FRYL: variants seen among roughly 807,000 people sequenced by gnomAD.
FRYL encodes protein furry homolog-like.
Under a neutral mutation model 351.2 loss-of-function variants are expected in FRYL, and 150 were observed. The observed-to-expected ratio is 0.43, with a 90% CI of 0.37 to 0.49. The LOEUF is 0.49. Among genes scored for constraint, FRYL ranks in the 20% least tolerant of loss-of-function variants. The pLI, the probability that FRYL is intolerant of heterozygous loss-of-function variation, is 0.00. For missense variants in FRYL, 3,036 were observed against 3,619.3 expected (o/e 0.84, Z 4.13); for synonymous variants, 1,153 against 1,257.1 (o/e 0.92, Z 1.75).
intron 60 of FRYL, 57 bp downstream of exon 60, chr4:48,505,490 C>G: frequency 1.1e-6 from 1 of 904,890 alleles, no homozygotes; most frequent in Non-Finnish European, 1.8e-6. Flanking sequence ...TGAACACATG[C>G]ATTGTTTTAC....
intron 1 of FRYL, among the ~76,000 whole-genome samples, chr4:48,760,250 C>T (rs1236897597): frequency 1.3e-5 from 2 of 152,030 alleles, no homozygotes; most frequent in Non-Finnish European, 2.9e-5. Flanking sequence ...CAACCCTCTG[C>T]CTCCTGGGTT....
At chr4:48,769,222 A>G (rs1775276882) in intron 1 of FRYL, among the ~76,000 whole-genome samples, 1 of 152,238 alleles carries the variant, frequency 6.6e-6, no homozygotes, top group African/African-American at 2.4e-5. Context: ...GACAAGCTTC[A>G]GATGCAGAGA....
At position 48,602,029 on chromosome 4, in the gene FRYL, T is replaced by C; in HGVS notation, c.1026A>G (p.Ser342=). ...NWHIFLQNCL[S]HLKNKDPKMS... Reference sequence around the variant, plus strand: ...TGTGATTACATCTTACCTTTAAATGTGACAAACAGTTCTGTAGGAAAATAT... The same window carrying C: ...TGTGATTACATCTTACCTTTAAATGCGACAAACAGTTCTGTAGGAAAATAT... The change falls in exon 13 of 64, where the codon TCA becomes TCG. Residue 342 remains serine, a synonymous_variant. Transcript: ENST00000358350. 1 of 1,555,120 alleles carries C rather than the reference T, an allele frequency of 6.4e-7. No homozygotes were observed. The highest frequency in any genetic ancestry group is 8.9e-7 in the Non-Finnish European group (1 of 1,127,768).
intron 7 of FRYL, among the ~76,000 whole-genome samples, chr4:48,611,093 T>A (rs1170563096): frequency 1.3e-5 from 2 of 151,938 alleles, no homozygotes; most frequent in South Asian, 4.1e-4. Context: ...TCAGTATATA[T>A]GGTGCATTGG....
At chr4:48,566,965 C>T (rs966220868) in intron 28 of FRYL, among the ~76,000 whole-genome samples, 2 of 152,136 alleles carry the variant, frequency 1.3e-5, no homozygotes, top group African/African-American at 2.4e-5. Flanking sequence ...CTTATTGCAT[C>T]TAAAACAAGG....
At position 48,499,466 on chromosome 4, in the gene FRYL, CT is replaced by C. The variant is rs1719057688; in HGVS notation, c.8997del (p.Ala3000HisfsTer10). On this transcript the variant is annotated frameshift_variant, in exon 64 of 64. Coordinates refer to ENST00000358350, the MANE Select transcript of FRYL (RefSeq NM_015030.2). LOFTEE classifies it high-confidence loss of function. ...ATATTTCCCATTGGTTTGGCCTGTG[CT>C]AGAAGTTGGTATGATTGCACCATGC... ...SLRMVQSYQLLAQAKPMGNMV... is the reference protein window; with the variant it reads ...SLRMVQSYQLXAQAKPMGNMV... 1 of 1,613,910 alleles carries C rather than the reference CT, an allele frequency of 6.2e-7. No homozygotes were observed.
chr4:48,531,967 G>C (rs1727756804), intron 49 of FRYL, among the ~76,000 whole-genome samples: 1 of 151,584 alleles, frequency 6.6e-6, no homozygotes, highest in African/African-American at 2.4e-5. Flanking sequence ...AAATTTTTCT[G>C]CTTGTCTTAG....
Position 48,546,146 on chromosome 4 carries a change from T to C in FRYL, c.5200A>G (p.Thr1734Ala). 6.2e-7 allele frequency: 1 copy of C among 1,613,790 alleles called. No homozygotes were observed. Among genetic ancestry groups the C allele is most frequent in the South Asian group, 1.1e-5 (1 of 91,048 alleles). ...NNSAAISHLH[T>A]TILNEVDISV... ...ATGTCAACCTCATTGAGGATAGTGG[T>C]GTGCAGATGTGAAATGGCAGCACTG... The change falls in exon 42 of 64, where the codon ACC (threonine) becomes GCC (alanine). Residue 1734 changes from threonine to alanine, a missense_variant. Thr to Ala is a moderately conservative substitution (Grantham distance 58). This residue lies in a region of FRYL where 1,987 missense variants were observed against 2,311.7 expected (regional missense o/e 0.86). Coordinates refer to ENST00000358350, the MANE Select transcript of FRYL (RefSeq NM_015030.2).
At chr4:48,620,068 A>G (rs969922476) in intron 6 of FRYL, among the ~76,000 whole-genome samples, 12 of 152,216 alleles carry the variant, frequency 7.9e-5, no homozygotes, top group Non-Finnish European at 1.5e-4. Flanking sequence ...CTTCTCACAA[A>G]TTTAAGTTGA....
intron 47 of FRYL, among the ~76,000 whole-genome samples, chr4:48,539,661 A>G (rs1050010113): frequency 2.2e-4 from 33 of 152,250 alleles, no homozygotes; most frequent in African/African-American, 7.7e-4. Context: ...TGCTCAGTAA[A>G]TATTTGGTAG....
chr4:48,685,993 G>C (rs1043921188), intron 2 of FRYL, among the ~76,000 whole-genome samples: 1 of 152,138 alleles, frequency 6.6e-6, no homozygotes, highest in South Asian at 2.1e-4. Context: ...GACCTCAGGT[G>C]ATCCTCCTAA....
chr4:48,720,148 CAAA>C (rs111735468), intron 1 of FRYL, among the ~76,000 whole-genome samples: 1 of 117,240 alleles, frequency 8.5e-6, no homozygotes. Flanking sequence ...GACTCCATCT[CAAA>C]AAAAAAAAAA....
At chr4:48,506,615 A>AATATATATATATAT (rs55736457) in intron 59 of FRYL, 1 of 71,752 alleles carries the variant, frequency 1.4e-5, no homozygotes, top group Non-Finnish European at 2.4e-5. Context: ...CAATACAACT[A>AATATATATATATAT]ATATATATAT....
intron 1 of FRYL, among the ~76,000 whole-genome samples, chr4:48,747,494 A>G (rs1772814914): frequency 1.3e-5 from 2 of 152,232 alleles, no homozygotes; most frequent in African/African-American, 4.8e-5. Flanking sequence ...CAATCAATAT[A>G]TGAATTCATA....
intron 32 of FRYL, 101 bp from the exon 33 acceptor site, chr4:48,561,737 G>C: frequency 1.5e-5 from 13 of 876,244 alleles, no homozygotes; most frequent in Non-Finnish European, 2.2e-5. Flanking sequence ...CTCCCCAGCT[G>C]AGTGGAGTGG....
At chr4:48,500,356 G>A (rs1465459148) in intron 62 of FRYL, 136 bp from the exon 63 acceptor site, 5 of 513,078 alleles carry the variant, frequency 9.7e-6, no homozygotes, top group Non-Finnish European at 1.6e-5. Context: ...TTGGAAGAAA[G>A]GGCAGTTAAT....
At position 48,595,981 on chromosome 4, in the gene FRYL, G is replaced by A; in HGVS notation, c.1055C>T (p.Ser352Phe). ...SHLKNKDPKM[S>F]RVALESLYRL... ...ATACAAAGATTCCAGTGCAACTCGAGACATTTTCGGATCTTTATTCTGTTT... is the reference window on the plus strand; with the variant it reads ...ATACAAAGATTCCAGTGCAACTCGAAACATTTTCGGATCTTTATTCTGTTT... The change falls in exon 14 of 64, where the codon TCT becomes TTT. Residue 352 changes from serine (S) to phenylalanine (F), a missense_variant. Transcript: ENST00000358350. The A allele has an allele frequency of 6.3e-7, 1 of 1,596,200 alleles. No individual in the cohort carries two copies. Among genetic ancestry groups the A allele is most frequent in the Non-Finnish European group, 8.5e-7 (1 of 1,172,822 alleles).
At chr4:48,564,436 T>C (rs1166806894) in intron 30 of FRYL, among the ~76,000 whole-genome samples, 2 of 152,246 alleles carry the variant, frequency 1.3e-5, no homozygotes, top group Non-Finnish European at 2.9e-5. Context: ...TCAAGCTTTA[T>C]TCTTGTTTTT....
intron 3 of FRYL, among the ~76,000 whole-genome samples, chr4:48,672,268 G>C (rs1182379565): frequency 6.6e-6 from 1 of 152,172 alleles, no homozygotes; most frequent in Non-Finnish European, 1.5e-5. Context: ...GCTTAGTCTG[G>C]ATGGAAGTGC....
Sources: gnomAD v4.1 joint callset for allele counts (sites outside exome capture counted in the v4.1 genomes callset) on GRCh38, gnomAD v4.1.1 for gene constraint, gnomAD v4.1.1 regional missense constraint, MANE v1.5 for transcripts, NCBI Gene and HGNC (gene_info 2026-07-23, HGNC 2026-07-21) for gene names.